Variants in SNAPC3 observed in about 807,000 individuals in gnomAD.
SNAPC3 encodes the protein snRNA-activating protein complex subunit 3.
In SNAPC3, 56 loss-of-function variants were observed where a neutral mutation model predicts 47.7. The ratio of observed to expected loss-of-function variants is 1.18; its 90% CI spans 0.95 to 1.47. The LOEUF is 1.47. SNAPC3 is among the 40% of genes most tolerant of loss of function. The pLI is 0.00. For synonymous variants in SNAPC3, 235 were observed against 189.9 expected (o/e 1.24, Z -1.95); for missense variants, 665 against 511.3 (o/e 1.30, Z -2.90).
At position 15,459,846 on chromosome 9, in the gene SNAPC3, G is replaced by T. The variant is rs1563856865; in HGVS notation, c.1216G>T (p.Asp406Tyr). ...GGAATTCCTTGCTTATCCTTATGTTGATCCTGGAACCTTTAATTAAGAATA... is the reference window on the plus strand; with the variant it reads ...GGAATTCCTTGCTTATCCTTATGTTTATCCTGGAACCTTTAATTAAGAATA... ...LGEFLAYPYV[D>Y]PGTFN is the part of the protein sequence containing the mutation. The change falls in exon 9 of 9, where the codon GAT (aspartate) becomes TAT (tyrosine). Residue 406 changes from aspartate (D) to tyrosine (Y), a missense_variant. Transcript: ENST00000380821. 1.9e-6 allele frequency: 3 copies of T among 1,612,974 alleles called. No homozygotes were observed. Among genetic ancestry groups the T allele is most frequent in the African/African-American group, 1.3e-5 (1 of 74,840 alleles).
chr9:15,442,134 G>C (rs534188968), intron 3 of SNAPC3, among the ~76,000 whole-genome samples: 1 of 149,874 alleles, frequency 6.7e-6, no homozygotes, highest in East Asian at 2.0e-4. Flanking sequence ...CCTCCGGGAC[G>C]GGGCGGCTGG....
chr9:15,451,479 T>G (rs569195471), intron 6 of SNAPC3, 77 bp downstream of exon 6: 1 of 591,996 alleles, frequency 1.7e-6, no homozygotes, highest in South Asian at 3.1e-5. Context: ...CAAATCCTAT[T>G]ATTGGCCTAT....
chr9:15,426,520 C>T (rs1429439054), intron 2 of SNAPC3, among the ~76,000 whole-genome samples: 1 of 152,044 alleles, frequency 6.6e-6, no homozygotes, highest in Admixed American at 6.6e-5. Flanking sequence ...TAGTAGGGAG[C>T]CAACAAATAT....
intron 7 of SNAPC3, among the ~76,000 whole-genome samples, chr9:15,455,972 T>C (rs945416187): frequency 6.6e-6 from 1 of 151,860 alleles, no homozygotes; most frequent in African/African-American, 2.4e-5. Flanking sequence ...CCTCCCAGGT[T>C]CAGGCAATTC....
chr9:15,451,497 C>T (rs1178632430), intron 6 of SNAPC3, 95 bp downstream of exon 6: 17 of 519,056 alleles, frequency 3.3e-5, no homozygotes, highest in Non-Finnish European at 5.1e-5. Flanking sequence ...TATTAAGGAC[C>T]TTTGCCAAGG....
rs1022122060 is a variant in SNAPC3, at chr9:15,453,036, C to T, written c.816-5C>T. The T allele has an allele frequency of 1.2e-6, 2 of 1,605,656 alleles. No individual in the cohort carries two copies. Among genetic ancestry groups the T allele is most frequent in the East Asian group, 4.5e-5 (2 of 44,734 alleles). ...ATGATATATCCTTGCCTTTTCCCCC[C>T]TCAGAACTATCATTGAGTGGTCAGA... On this transcript the variant is annotated splice_region_variant and splice_polypyrimidine_tract_variant and intron_variant, in intron 6 of 8. Transcript: ENST00000380821.
intron 5 of SNAPC3, among the ~76,000 whole-genome samples, chr9:15,448,186 G>A (rs1322734555): frequency 1.3e-5 from 2 of 151,970 alleles, no homozygotes; most frequent in Non-Finnish European, 2.9e-5. Context: ...TTTTTTCCTG[G>A]GTCCTGTTCC....
rs1410401169 is a variant in SNAPC3, at chr9:15,461,621, T to C, written c.*1755T>C. 2 of 152,218 alleles carry C rather than the reference T, an allele frequency of 1.3e-5. No homozygotes were observed. Among genetic ancestry groups the C allele is most frequent in the African/African-American group, 4.8e-5 (2 of 41,464 alleles). 9.4% of individuals were successfully genotyped at this position (152,218 alleles called of 1,614,324 possible). A position where few individuals can be genotyped will look rare whatever the true frequency, so the allele number is the denominator to read the frequency against. ...TTTAAAATAAATAAATTCCACTTTC[T>C]CTCTCCTAGGTTGTATTTAAATTTG... On this transcript the variant is annotated 3_prime_UTR_variant, in exon 9 of 9. Transcript: ENST00000380821.
chr9:15,454,763 G>C (rs972849325), intron 7 of SNAPC3, among the ~76,000 whole-genome samples: 20 of 152,020 alleles, frequency 1.3e-4, no homozygotes, highest in African/African-American at 4.8e-4. Context: ...CAGTGAAAGC[G>C]TCTCTACTAA....
chr9:15,434,053 G>C (rs1326516370), intron 3 of SNAPC3, among the ~76,000 whole-genome samples: 4 of 152,194 alleles, frequency 2.6e-5, no homozygotes, highest in African/African-American at 9.7e-5. Flanking sequence ...GATAGGTTCA[G>C]AATCAATGTG....
At chr9:15,428,831 G>C (rs1354718567) in intron 2 of SNAPC3, among the ~76,000 whole-genome samples, 1 of 152,060 alleles carries the variant, frequency 6.6e-6, no homozygotes, top group Non-Finnish European at 1.5e-5. Flanking sequence ...AAAAAAGTAA[G>C]ATGAATCCGA....
intron 3 of SNAPC3, among the ~76,000 whole-genome samples, chr9:15,436,943 C>T (rs1018811917): frequency 2.6e-5 from 4 of 151,552 alleles, no homozygotes; most frequent in African/African-American, 9.7e-5. Context: ...CCTGCCTCAG[C>T]CTCCTGAGTG....
intron 3 of SNAPC3, among the ~76,000 whole-genome samples, chr9:15,442,105 G>C (rs1224185864): frequency 6.6e-6 from 1 of 151,170 alleles, no homozygotes; most frequent in East Asian, 2.0e-4. Context: ...CTGGCCAGGC[G>C]GGGGCTGCCC....
intron 2 of SNAPC3, among the ~76,000 whole-genome samples, chr9:15,431,537 A>G (rs2032147073): frequency 6.6e-6 from 1 of 151,958 alleles, no homozygotes; most frequent in Admixed American, 6.6e-5. Context: ...GTATACACAA[A>G]TATCTGTTTA....
intron 3 of SNAPC3, among the ~76,000 whole-genome samples, chr9:15,438,097 G>C (rs1027999090): frequency 6.6e-6 from 1 of 152,172 alleles, no homozygotes; most frequent in East Asian, 1.9e-4. Flanking sequence ...TACCAGTGAA[G>C]TCATCTGGTT....
intron 8 of SNAPC3, 86 bp from the exon 9 acceptor site, chr9:15,459,633 T>C: frequency 2.0e-6 from 2 of 1,020,024 alleles, no homozygotes; most frequent in East Asian, 2.4e-5. Flanking sequence ...TAGAATGTTA[T>C]ATTTACATAT....
chr9:15,426,711 AC>A (rs2031447016), intron 2 of SNAPC3, among the ~76,000 whole-genome samples: 1 of 152,230 alleles, frequency 6.6e-6, no homozygotes, highest in Non-Finnish European at 1.5e-5. Context: ...TAATTTTAAG[AC>A]TGCTTAAACA....
intron 3 of SNAPC3, among the ~76,000 whole-genome samples, chr9:15,436,321 A>G (rs779063152): frequency 2.0e-5 from 3 of 152,234 alleles, no homozygotes; most frequent in South Asian, 2.1e-4. Flanking sequence ...GCTTTAGCTC[A>G]TAAGTTTGTC....
intron 2 of SNAPC3, among the ~76,000 whole-genome samples, chr9:15,427,322 T>G (rs1384376238): frequency 1.3e-5 from 2 of 152,204 alleles, no homozygotes; most frequent in Non-Finnish European, 2.9e-5. Context: ...TTCCAAAAGC[T>G]TCAGCAACAT....
Sources: allele counts gnomAD v4.1 joint callset (sites outside exome capture counted in the v4.1 genomes callset), GRCh38; gene constraint gnomAD v4.1.1; transcripts MANE v1.5; gene names NCBI Gene and HGNC (gene_info 2026-07-23, HGNC 2026-07-21).